Variants in SPTB observed in about 807,000 individuals in gnomAD.
The protein encoded by SPTB is spectrin beta chain, erythrocytic.
Under a neutral mutation model 256.2 loss-of-function variants are expected in SPTB, and 45 were observed. The ratio of observed to expected loss-of-function variants is 0.18; its 90% CI spans 0.14 to 0.23. The LOEUF is 0.23. SPTB is among the 10% of genes least tolerant of loss of function. SPTB has a pLI of 1.00. For synonymous variants in SPTB, 1,231 were observed against 1,243.1 expected, an observed-to-expected ratio of 0.99 and a Z score of 0.21; for missense variants, 2,715 against 3,040.4, an observed-to-expected ratio of 0.89 and a Z score of 2.52.
intron 32 of SPTB, among the ~76,000 whole-genome samples, chr14:64,757,943 C>T (rs1258573609): frequency 6.6e-6 from 1 of 152,194 alleles, no homozygotes; most frequent in African/African-American, 2.4e-5. Flanking sequence ...AGAGGGCCTC[C>T]TGAGAAGCCC....
rs1160490839 is a variant in SPTB at position 64,853,531 on chromosome 14, T to C, written c.-52+26261A>G. On this transcript the variant is annotated intron_variant, in intron 1 of 35. Transcript: ENST00000644917. This position sits in a 1 kb window ranked among gnomAD's most constrained non-coding sequence, Gnocchi z 4.3. ...GTGACCACAGGGAGAACAGTTTCAG[T>C]AGGGCACGGGGACAAGAACCCATGG... is the stretch of plus-strand genomic sequence containing the variant. Among the ~76,000 whole-genome samples, 1 of 152,150 alleles carries C rather than the reference T, an allele frequency of 6.6e-6. No homozygotes were observed. Among genetic ancestry groups the C allele is most frequent in the Non-Finnish European group, 1.5e-5 (1 of 68,032 alleles).
In SPTB at chr14:64,790,913, G is replaced by A. The variant is rs540283199; in HGVS notation, c.2804+806C>T. On this transcript the variant is annotated intron_variant, in intron 15 of 35. Transcript: ENST00000644917. This position sits in a 1 kb window ranked among gnomAD's most constrained non-coding sequence, Gnocchi z 4.8. ...GCCTATTTTTTGTTCTGGCCACAAAGCTTGCTTAAGGCTCCCTGCTAATTC... is the reference window on the plus strand; with the variant it reads ...GCCTATTTTTTGTTCTGGCCACAAAACTTGCTTAAGGCTCCCTGCTAATTC... Among the ~76,000 whole-genome samples the A allele has an allele frequency of 1.3e-5, 2 of 152,302 alleles. No homozygotes were observed. Among genetic ancestry groups the A allele is most frequent in the South Asian group, 4.1e-4 (2 of 4,830 alleles).
At chr14:64,803,582 C>T in intron 4 of SPTB, 25 bp downstream of exon 4, 1 of 1,613,852 alleles carries the variant, frequency 6.2e-7, no homozygotes, top group Non-Finnish European at 8.5e-7. Flanking sequence ...GCTCCCTCGA[C>T]TTCCTCTACC....
In SPTB at chr14:64,873,697, C is replaced by G. The variant is rs1882671679; in HGVS notation, c.-52+6095G>C. ...GCTGAAGAAAAAAAGCAACCGCGGT[C>G]TCAACCAGAAGGCCCAGAATATTCA... is the stretch of plus-strand genomic sequence containing the variant. On this transcript the variant is annotated intron_variant, in intron 1 of 35. Coordinates refer to ENST00000644917, the MANE Select transcript of SPTB (RefSeq NM_001355436.2). This position sits in a 1 kb window ranked among gnomAD's most constrained non-coding sequence, Gnocchi z 4.3. Among the ~76,000 whole-genome samples the G allele has an allele frequency of 6.6e-6, 1 of 152,184 alleles. No individual in the cohort carries two copies. Among genetic ancestry groups the G allele is most frequent in the South Asian group, 2.1e-4 (1 of 4,826 alleles).
rs768313840 is a variant in SPTB at position 64,841,529 on chromosome 14, C to T, written c.-51-18384G>A. ...GCTCTTCAGGGTCACAGCTAATCCA[C>T]GCCCTGAGATTTCAAAACACAGAAT... On this transcript the variant is annotated intron_variant, in intron 1 of 35. Coordinates refer to ENST00000644917, the MANE Select transcript of SPTB (RefSeq NM_001355436.2). The surrounding 1 kb of genome is among the most constrained non-coding windows in gnomAD (Gnocchi z 4.6). Among the ~76,000 whole-genome samples, 1 of 152,206 alleles carries T rather than the reference C, an allele frequency of 6.6e-6. No homozygotes were observed. The highest frequency in any genetic ancestry group is 2.4e-5 in the African/African-American group (1 of 41,448).
At position 64,827,523 on chromosome 14, in the gene SPTB, T is replaced by A. The variant is rs2083392929; in HGVS notation, c.-51-4378A>T. On this transcript the variant is annotated intron_variant, in intron 1 of 35. Transcript: ENST00000644917. The surrounding 1 kb of genome is among the most constrained non-coding windows in gnomAD (Gnocchi z 4.6). ...ACAATTTGGTATTGTGGCAACCCGG[T>A]CAGGAGATTAAATCCTGAAGTTTCT... is the stretch of plus-strand genomic sequence containing the variant. 6.6e-6 allele frequency among the ~76,000 whole-genome samples: 1 copy of A among 152,144 alleles called. No homozygotes were observed. Among genetic ancestry groups the A allele is most frequent in the Non-Finnish European group, 1.5e-5 (1 of 68,026 alleles).
At chr14:64,765,059 TG>T (rs1566739905) in intron 32 of SPTB, among the ~76,000 whole-genome samples, 6 of 6,788 alleles carry the variant, frequency 8.8e-4, no homozygotes, top group Admixed American at 1.9e-3. Flanking sequence ...CGCGCGCGGG[TG>T]GTGGATGGGG....
At chr14:64,750,714 T>C (rs2081932830) in intron 33 of SPTB, among the ~76,000 whole-genome samples, 1 of 151,344 alleles carries the variant, frequency 6.6e-6, no homozygotes, top group African/African-American at 2.4e-5. Context: ...AGGCGAAGCT[T>C]GTAGTGAGCC....
At chr14:64,859,420 G>C (rs564469371) in intron 1 of SPTB, among the ~76,000 whole-genome samples, 1 of 152,000 alleles carries the variant, frequency 6.6e-6, no homozygotes, top group Admixed American at 6.5e-5. Flanking sequence ...CTGTTAAATA[G>C]TATTAAACTA....
intron 22 of SPTB, among the ~76,000 whole-genome samples, chr14:64,776,104 G>A (rs2082352120): frequency 6.6e-6 from 1 of 152,122 alleles, no homozygotes; most frequent in Admixed American, 6.5e-5. Flanking sequence ...CCTAAAGACT[G>A]GGCTAGCTGC....
rs750695638 is a variant in SPTB, at chr14:64,793,899, G to A, written c.1796-32C>T. 1.3e-5 allele frequency: 20 copies of A among 1,580,280 alleles called. No homozygotes were observed. In the Admixed American group the frequency reaches 1.7e-4, roughly 14 times the overall value. On this transcript the variant is annotated intron_variant, in intron 13 of 35. Transcript: ENST00000644917. This position sits in a 1 kb window ranked among gnomAD's most constrained non-coding sequence, Gnocchi z 7.0. ...GAAATAGGGGGAAGGAGGACAAAGT[G>A]GGGGATGGGCTTCATTTATGGGCAC...
At chr14:64,784,610 C>T (rs179340) in intron 18 of SPTB, among the ~76,000 whole-genome samples, 201 of 152,352 alleles carry the variant, frequency 1.3e-3, no homozygotes, top group African/African-American at 4.6e-3. Context: ...GCATCTTCCC[C>T]ACTGGAGTGT....
chr14:64,871,437 C>A (rs1882526271), intron 1 of SPTB, among the ~76,000 whole-genome samples: 1 of 152,228 alleles, frequency 6.6e-6, no homozygotes, highest in East Asian at 1.9e-4. Flanking sequence ...ATTTCTACCT[C>A]TACCCAGAGA....
intron 1 of SPTB, among the ~76,000 whole-genome samples, chr14:64,876,255 T>C (rs554266143): frequency 2.4e-4 from 37 of 152,116 alleles, no homozygotes; most frequent in Non-Finnish European, 4.3e-4. Context: ...AATTTTCCTG[T>C]CTCAGCCTCC....
rs1177424696 is a variant in SPTB at position 64,760,053 on chromosome 14, T to C, written c.6346-6260A>G. 1.3e-5 allele frequency among the ~76,000 whole-genome samples: 2 copies of C among 152,034 alleles called. No homozygotes were observed. Among genetic ancestry groups the C allele is most frequent in the African/African-American group, 4.8e-5 (2 of 41,368 alleles). ...TTGGTTGCTGGTTGACAGGGATCAGTGGAGAAGAGGGCACAGCCCTTTTGG... is the reference window on the plus strand; with the variant it reads ...TTGGTTGCTGGTTGACAGGGATCAGCGGAGAAGAGGGCACAGCCCTTTTGG... On this transcript the variant is annotated intron_variant, in intron 32 of 35. Coordinates refer to ENST00000644917, the MANE Select transcript of SPTB (RefSeq NM_001355436.2). The surrounding 1 kb of genome is among the most constrained non-coding windows in gnomAD (Gnocchi z 4.3).
intron 1 of SPTB, among the ~76,000 whole-genome samples, chr14:64,870,127 G>C (rs997024152): frequency 6.6e-6 from 1 of 152,074 alleles, no homozygotes; most frequent in Non-Finnish European, 1.5e-5. Flanking sequence ...GGAGTGAAAA[G>C]GGTACTGTAA....
At position 64,786,818 on chromosome 14, in the gene SPTB, G is replaced by A. The variant is rs776006173; in HGVS notation, c.3147C>T (p.Ser1049=). 1 of 1,613,930 alleles carries A rather than the reference G, an allele frequency of 6.2e-7. No individual in the cohort carries two copies. Residue 1049 remains serine (S), a synonymous_variant, in exon 16 of 36, where the codon TCC becomes TCT. Coordinates refer to ENST00000644917, the MANE Select transcript of SPTB (RefSeq NM_001355436.2). The surrounding 1 kb of genome is among the most constrained non-coding windows in gnomAD (Gnocchi z 5.6). Reference sequence around the variant, plus strand: ...CCAGCAAGTCCTCCTGGCCCTGCAGGGATTGCTGCAGGCCCTGCCACAGCT... The same window carrying A: ...CCAGCAAGTCCTCCTGGCCCTGCAGAGATTGCTGCAGGCCCTGCCACAGCT... The part of the protein sequence containing the change: ...LEELWQGLQQ[S]LQGQEDLLGE...
Position 64,749,200 on chromosome 14 carries a change from T to TCGACTCATCTCGATTCGAC in SPTB, c.*87_*105dup. On this transcript the variant is annotated 3_prime_UTR_variant, in exon 36 of 36. Coordinates refer to ENST00000644917, the MANE Select transcript of SPTB (RefSeq NM_001355436.2). This position sits in a 1 kb window ranked among gnomAD's most constrained non-coding sequence, Gnocchi z 4.7. ...GGGGCCCGGGGGCCCGGCCCGCGAC[T>TCGACTCATCTCGATTCGAC]CGACTCATCTCGATTCGACCGGCGG... The TCGACTCATCTCGATTCGAC allele has an allele frequency of 7.2e-7, 1 of 1,393,466 alleles. No individual in the cohort carries two copies. Among genetic ancestry groups the TCGACTCATCTCGATTCGAC allele is most frequent in the Non-Finnish European group, 9.7e-7 (1 of 1,025,904 alleles). The allele number at this position is 1,393,466 out of a possible 1,614,324, so 86.3% of individuals were successfully genotyped here.
chr14:64,788,759 T>C (rs550634106), intron 15 of SPTB, among the ~76,000 whole-genome samples: 3 of 152,150 alleles, frequency 2.0e-5, no homozygotes, highest in Admixed American at 6.5e-5. Flanking sequence ...TTCCCAAACC[T>C]ACACTTGCCC....
Sources: allele counts gnomAD v4.1 joint callset (sites outside exome capture counted in the v4.1 genomes callset), GRCh38; gene constraint gnomAD v4.1.1; non-coding constraint Gnocchi (gnomAD v3.1); transcripts MANE v1.5; gene names NCBI Gene and HGNC (gene_info 2026-07-23, HGNC 2026-07-21).